The following SH2D7 variants were observed in gnomAD, a reference collection of about 807,000 sequenced individuals.
SH2D7 encodes the protein SH2 domain containing 7, also known as SH2 domain-containing protein 7.
Under a neutral mutation model 40.8 loss-of-function variants are expected in SH2D7, and 32 were observed. The ratio of observed to expected loss-of-function variants is 0.78; its 90% CI spans 0.59 to 1.05. The LOEUF (loss-of-function observed/expected upper bound fraction) is 1.05, where lower values mean the gene tolerates loss of function less well. Ranked by LOEUF, SH2D7 falls within the 50% of genes least tolerant of loss-of-function variation. The probability of loss-of-function intolerance (pLI) is 0.00; values close to 1 mark genes in which losing one functional copy is unlikely to be tolerated. For missense variants in SH2D7, 559 were observed against 566.6 expected (o/e 0.99, Z 0.14); for synonymous variants, 195 against 221.5 (o/e 0.88, Z 1.06).
At chr15:78,103,417 C>G (rs371006953) in intron 5 of SH2D7, 48 bp from the exon 6 acceptor site, 7 of 1,549,226 alleles carry the variant, frequency 4.5e-6, no homozygotes, top group Non-Finnish European at 6.1e-6. Context: ...GGGTCTTTCC[C>G]TCCCTGTCCA....
intron 2 of SH2D7, among the ~76,000 whole-genome samples, chr15:78,094,664 G>A (rs2073959635): frequency 1.3e-5 from 2 of 152,212 alleles, no homozygotes; most frequent in South Asian, 2.1e-4. Flanking sequence ...GGAAGGGAGG[G>A]TGGAAAAAGC....
chr15:78,100,832 G>GT, intron 4 of SH2D7, 67 bp from the exon 5 acceptor site: 3 of 1,561,546 alleles, frequency 1.9e-6, no homozygotes, highest in Non-Finnish European at 2.6e-6. Context: ...ATCTGAGAGA[G>GT]TTTTTACTGG....
intron 2 of SH2D7, among the ~76,000 whole-genome samples, chr15:78,096,419 A>T (rs2073972670): frequency 6.6e-6 from 1 of 152,222 alleles, no homozygotes; most frequent in Non-Finnish European, 1.5e-5. Flanking sequence ...TCAGGGAAAC[A>T]CAAATTAAAG....
rs765085144 is a variant in SH2D7, at chr15:78,101,176, C to T, written c.923C>T (p.Pro308Leu). Residue 308 changes from proline (P) to leucine (L), a missense_variant, in exon 5 of 6, where the codon CCC (proline) becomes CTC (leucine). Physicochemically the swap from Pro to Leu is moderately conservative, Grantham distance 98 (BLOSUM62 -3). Transcript: ENST00000328828. ...VLSGVSPDQG[P>L]TESPTSWGCS... ...TCTGGGGTGAGCCCAGACCAGGGTCCCACAGAGTCTCCCACTTCCTGGGGA... is the reference window on the plus strand; with the variant it reads ...TCTGGGGTGAGCCCAGACCAGGGTCTCACAGAGTCTCCCACTTCCTGGGGA... The T allele has an allele frequency of 1.3e-6, 2 of 1,582,640 alleles. No homozygotes were observed. Among genetic ancestry groups the T allele is most frequent in the South Asian group, 2.3e-5 (2 of 86,130 alleles).
intron 1 of SH2D7, among the ~76,000 whole-genome samples, chr15:78,092,984 T>C (rs1477779917): frequency 6.6e-6 from 1 of 152,066 alleles, no homozygotes; most frequent in African/African-American, 2.4e-5. Context: ...TTAGTACAAG[T>C]TGAGGATGGC....
chr15:78,101,636 G>A, intron 5 of SH2D7, 78 bp downstream of exon 5: 1 of 1,456,196 alleles, frequency 6.9e-7, no homozygotes, highest in Non-Finnish European at 9.1e-7. Context: ...GAAGCCCCCA[G>A]GCATAGGCAG....
rs374663111 is a variant in SH2D7 at position 78,094,188 on chromosome 15, A to G, written c.253A>G (p.Ile85Val). The change falls in exon 2 of 6, where the codon ATC (isoleucine) becomes GTC (valine). Residue 85 changes from isoleucine (I) to valine (V), a missense_variant. By Grantham distance (29) the Ile-to-Val change is conservative (BLOSUM62 3). Coordinates refer to ENST00000328828, the MANE Select transcript of SH2D7 (RefSeq NM_001101404.2). ...IRLSDRATGY[I>V]LSYRGSDRCR... The stretch of plus-strand genomic sequence containing the variant: ...CCTCAGTGACCGAGCCACTGGCTAC[A>G]TCTTGTCCTACAGGTAAGAGGGGAA... 10 of 1,608,958 alleles carry G rather than the reference A, an allele frequency of 6.2e-6. No homozygotes were observed. Among genetic ancestry groups the G allele is most frequent in the African/African-American group, 2.7e-5 (2 of 74,904 alleles).
chr15:78,094,422 G>A (rs193077231), intron 2 of SH2D7, among the ~76,000 whole-genome samples: 2 of 152,324 alleles, frequency 1.3e-5, no homozygotes, highest in Non-Finnish European at 2.9e-5. Flanking sequence ...AGTGGGGTTC[G>A]GGGAGGCTTC....
At chr15:78,093,999 G>A (rs1404296938) in intron 1 of SH2D7, 113 bp from the exon 2 acceptor site, 1 of 994,428 alleles carries the variant, frequency 1.0e-6, no homozygotes, top group Non-Finnish European at 1.5e-6. Flanking sequence ...TAAAGGGTTG[G>A]AGGTCTGGAA....
rs2141877398 is a variant in SH2D7, at chr15:78,103,586, C to T, written c.*71C>T. ...GCCATGCCAGGGGTTATCGCAAAGG[C>T]CTCAGCTCACTTGAAGGCACCCTTT... On this transcript the variant is annotated 3_prime_UTR_variant, in exon 6 of 6. Coordinates refer to ENST00000328828, the MANE Select transcript of SH2D7 (RefSeq NM_001101404.2). The T allele has an allele frequency of 2.0e-6, 3 of 1,521,912 alleles. No individual in the cohort carries two copies. Among genetic ancestry groups the T allele is most frequent in the Middle Eastern group, 1.7e-4 (1 of 5,942 alleles). 94.3% of individuals were successfully genotyped at this position (1,521,912 alleles called of 1,614,324 possible). A position where few individuals can be genotyped will look rare whatever the true frequency, so the allele number is the denominator to read the frequency against.
chr15:78,093,880 C>T (rs1042303795), intron 1 of SH2D7, among the ~76,000 whole-genome samples: 17 of 152,184 alleles, frequency 1.1e-4, no homozygotes, highest in Non-Finnish European at 4.4e-5. Flanking sequence ...GGCTTCAGAC[C>T]CTGACCCAGC....
chr15:78,103,274 G>A (rs2074029297), intron 5 of SH2D7, among the ~76,000 whole-genome samples, 191 bp from the exon 6 acceptor site: 1 of 152,216 alleles, frequency 6.6e-6, no homozygotes, highest in Non-Finnish European at 1.5e-5. Context: ...CCCTGCATCT[G>A]AAATTGGGGA....
rs545514236 is a variant in SH2D7, at chr15:78,098,437, C to T, written c.486C>T (p.Ile162=). 1.1e-5 allele frequency: 17 copies of T among 1,614,002 alleles called. No homozygotes were observed. Among genetic ancestry groups the T allele is most frequent in the East Asian group, 6.7e-5 (3 of 44,886 alleles). Residue 162 remains isoleucine (I), a synonymous_variant, in exon 4 of 6, where the codon ATC becomes ATT. Coordinates refer to ENST00000328828, the MANE Select transcript of SH2D7 (RefSeq NM_001101404.2). The part of the protein sequence containing the change: ...DAITRGLHQT[I]VDPENPPATA... ...TCACCCGGGGCCTCCACCAGACCAT[C>T]GTGGACCCAGAAAACCCACCTGCCA...
upstream of SH2D7, chr15:78,091,430 C>A (rs892413246): frequency 2.0e-5 from 3 of 152,150 alleles, no homozygotes; most frequent in African/African-American, 7.2e-5. Context: ...AAATTGAGTT[C>A]TCTGCAACAA....
Position 78,098,558 on chromosome 15 carries a change from G to T in SH2D7, c.607G>T (p.Val203Leu). The T allele has an allele frequency of 6.2e-7, 1 of 1,613,990 alleles. No individual in the cohort carries two copies. The highest frequency in any genetic ancestry group is 8.5e-7 in the Non-Finnish European group (1 of 1,179,856). Residue 203 changes from valine (V) to leucine (L), a missense_variant, in exon 4 of 6, where the codon GTG (valine) becomes TTG (leucine). Val to Leu is a conservative substitution (Grantham distance 32). Coordinates refer to ENST00000328828, the MANE Select transcript of SH2D7 (RefSeq NM_001101404.2). ...CCTCCATGCACAGAAAAGCCTGGAT[G>T]TGAGTCCCCGGAACCTCTCCCAGGA... is the stretch of plus-strand genomic sequence containing the variant. ...SFLHAQKSLD[V>L]SPRNLSQEES...
chr15:78,101,288 C>A lies in SH2D7; in HGVS notation c.1035C>A (p.Gly345=), dbSNP rs2074014134. ...LSQEAQPCSQ[G]SSADIYEFIG... is the part of the protein sequence containing the mutation. Reference sequence around the variant, plus strand: ...AAGAGGCTCAGCCCTGCTCCCAGGGCAGCTCTGCAGATATCTATGAGTTCA... The same window carrying A: ...AAGAGGCTCAGCCCTGCTCCCAGGGAAGCTCTGCAGATATCTATGAGTTCA... Residue 345 remains glycine, a synonymous_variant, in exon 5 of 6, where the codon GGC becomes GGA. Transcript: ENST00000328828. 1 of 1,612,616 alleles carries A rather than the reference C, an allele frequency of 6.2e-7. No homozygotes were observed. Among genetic ancestry groups the A allele is most frequent in the African/African-American group, 1.3e-5 (1 of 75,034 alleles).
intron 2 of SH2D7, among the ~76,000 whole-genome samples, chr15:78,094,940 G>C (rs984746622): frequency 6.6e-6 from 1 of 152,206 alleles, no homozygotes; most frequent in African/African-American, 2.4e-5. Flanking sequence ...CCCAAGAGTA[G>C]GTTGGTCAGG....
At position 78,101,495 on chromosome 15, in the gene SH2D7, G is replaced by T. The variant is rs556469470; in HGVS notation, c.1242G>T (p.Glu414Asp). 8 of 1,613,362 alleles carry T rather than the reference G, an allele frequency of 5.0e-6. No homozygotes were observed. The Admixed American group carries it at 1.0e-4, about 20-fold the overall frequency. The change falls in exon 5 of 6, where the codon GAG becomes GAT. Residue 414 changes from glutamate to aspartate, a missense_variant. By Grantham distance (45) the Glu-to-Asp change is conservative. Coordinates refer to ENST00000328828, the MANE Select transcript of SH2D7 (RefSeq NM_001101404.2). Reference sequence around the variant, plus strand: ...TCTCAGGGACCCCAGAGCTCTCAGAGCCTGGGAACACCTATGAACAGATCC... The same window carrying T: ...TCTCAGGGACCCCAGAGCTCTCAGATCCTGGGAACACCTATGAACAGATCC... The part of the protein sequence containing the change: ...KRISGTPELS[E>D]PGNTYEQIPA...
At chr15:78,094,244 T>A (rs762164758) in intron 2 of SH2D7, 43 bp downstream of exon 2, 1 of 1,567,764 alleles carries the variant, frequency 6.4e-7, no homozygotes, top group East Asian at 2.3e-5. Context: ...CATCCTACCA[T>A]AACCTAGCCT....
Sources: gnomAD v4.1 joint callset for allele counts (sites outside exome capture counted in the v4.1 genomes callset) on GRCh38, gnomAD v4.1.1 for gene constraint, MANE v1.5 for transcripts, NCBI Gene and HGNC (gene_info 2026-07-23, HGNC 2026-07-21) for gene names.